The following OBP2B variants were observed in gnomAD, a reference collection of about 807,000 sequenced individuals.
The protein encoded by OBP2B is odorant-binding protein 2b.
Under a neutral mutation model 21.7 loss-of-function variants are expected in OBP2B, and 10 were observed. The ratio of observed to expected loss-of-function variants is 0.46; its 90% CI spans 0.28 to 0.78. The LOEUF (loss-of-function observed/expected upper bound fraction) is 0.78, where lower values mean the gene tolerates loss of function less well. OBP2B is among the 30% of genes least tolerant of loss of function. The pLI is 0.11. For missense variants in OBP2B, 153 were observed against 217.7 expected (o/e 0.70, Z 1.87); for synonymous variants, 73 against 91.5 (o/e 0.80, Z 1.16).
chr9:133,218,673 G>A, the OBP2B span, among the ~76,000 whole-genome samples: 1 of 152,266 alleles, frequency 6.6e-6, no homozygotes, highest in Middle Eastern at 3.4e-3. Flanking sequence ...GGGAGCTAAC[G>A]AGCTCAGCTG....
chr9:133,206,475 G>A, intron 4 of OBP2B, 59 bp from the exon 5 acceptor site: 1 of 1,603,620 alleles, frequency 6.2e-7, no homozygotes. Context: ...CCTGCAGGGA[G>A]CAGATGCCGA....
the OBP2B span, among the ~76,000 whole-genome samples, chr9:133,218,222 G>C: frequency 6.6e-6 from 1 of 152,184 alleles, no homozygotes; most frequent in Non-Finnish European, 1.5e-5. Flanking sequence ...CCTGGAGGTG[G>C]GAGAACGCTG....
upstream of OBP2B, among the ~76,000 whole-genome samples, chr9:133,213,080 TAAATAAATAA>T (rs1172719191): frequency 1.3e-5 from 2 of 151,408 alleles, no homozygotes; most frequent in African/African-American, 4.9e-5. Flanking sequence ...CAAAAATAAA[TAAATAAATAA>T]ATTGCTGGGC....
At chr9:133,212,349 C>T (rs1833924365), upstream of OBP2B, among the ~76,000 whole-genome samples, 1 of 152,224 alleles carries the variant, frequency 6.6e-6, no homozygotes, top group Non-Finnish European at 1.5e-5. Flanking sequence ...TTGTAGAACA[C>T]ACCACCTGGC....
the OBP2B span, among the ~76,000 whole-genome samples, chr9:133,214,876 G>C: frequency 1.1e-4 from 16 of 152,184 alleles, no homozygotes; most frequent in African/African-American, 1.9e-4. Context: ...TTCACCACTT[G>C]TATTTAACAT....
At chr9:133,209,548 C>T (rs1351509570), upstream of OBP2B, among the ~76,000 whole-genome samples, 1 of 152,206 alleles carries the variant, frequency 6.6e-6, no homozygotes, top group Admixed American at 6.5e-5. This position sits in a 1 kb window ranked among gnomAD's most constrained non-coding sequence, Gnocchi z 6.0. Flanking sequence ...GCAGGGCCCA[C>T]AGCCTCGGGA....
chr9:133,212,157 G>T (rs1221057672), upstream of OBP2B, among the ~76,000 whole-genome samples: 1 of 152,172 alleles, frequency 6.6e-6, no homozygotes, highest in Non-Finnish European at 1.5e-5. Flanking sequence ...AATCCTAAAC[G>T]TGTGTGCACC....
intron 3 of OBP2B, 77 bp downstream of exon 3, chr9:133,208,056 A>G: frequency 1.3e-6 from 2 of 1,490,432 alleles, no homozygotes; most frequent in Non-Finnish European, 1.8e-6. Context: ...CAGCCTGGGC[A>G]CTCTCTACCT....
At chr9:133,206,247 A>T (rs1189688476) in intron 5 of OBP2B, 68 bp downstream of exon 5, 1 of 1,514,186 alleles carries the variant, frequency 6.6e-7, no homozygotes, top group African/African-American at 1.4e-5. Flanking sequence ...CATGGGGGTC[A>T]TGGGACACTG....
chr9:133,208,672 C>T (rs1833828985), intron 1 of OBP2B, 70 bp from the exon 2 acceptor site: 1 of 1,535,110 alleles, frequency 6.5e-7, no homozygotes, highest in Non-Finnish European at 8.8e-7. Context: ...GCACTCAGGC[C>T]TGCAGCTATA....
chr9:133,211,599 G>A (rs1833918118), upstream of OBP2B, among the ~76,000 whole-genome samples: 1 of 152,208 alleles, frequency 6.6e-6, no homozygotes, highest in Non-Finnish European at 1.5e-5. Flanking sequence ...GGGATAAATG[G>A]TCTGGACTCT....
intron 3 of OBP2B, chr9:133,207,764 C>T (rs1204447224): frequency 5.9e-6 from 6 of 1,016,866 alleles, no homozygotes; most frequent in African/African-American, 1.6e-5. Context: ...AACCCTCAGC[C>T]TCCCCATCCT....
rs376490020 is a variant in OBP2B, at chr9:133,209,099, C to A, written c.72+29G>T. 474 of 1,612,396 alleles carry A rather than the reference C, an allele frequency of 2.9e-4. No homozygotes were observed. The highest frequency in any genetic ancestry group is 3.8e-4 in the Non-Finnish European group (452 of 1,179,374). On this transcript the variant is annotated intron_variant, in intron 1 of 6. Transcript: ENST00000372034. This position sits in a 1 kb window ranked among gnomAD's most constrained non-coding sequence, Gnocchi z 6.0. ...CCCTGCCCAGGAGTCCGCCTGGCTC[C>A]TCCATCCGCCCACGCCAACCCAGCT...
chr9:133,205,919 T>G lies in OBP2B; in HGVS notation c.512A>C (p.Ter171SerextTer28), dbSNP rs1366123244. Residue 171 changes from the stop codon to serine, a stop_lost and splice_region_variant, in exon 6 of 7, where the codon TAG becomes TCG. Transcript: ENST00000372034. Reference sequence around the variant, plus strand: ...TGCCCTCCTAAAGGCTCACTCACCCTAGTGTTCGGGAACGCAGCTTCCTGC... The same window carrying G: ...TGCCCTCCTAAAGGCTCACTCACCCGAGTGTTCGGGAACGCAGCTTCCTGC... ...LQTGSCVPEH[*>S] The G allele has an allele frequency of 6.2e-7, 1 of 1,613,858 alleles. No individual in the cohort carries two copies. The highest frequency in any genetic ancestry group is 1.7e-4 in the Middle Eastern group (1 of 6,054).
the OBP2B span, among the ~76,000 whole-genome samples, chr9:133,222,752 G>A: frequency 3.1e-3 from 478 of 152,166 alleles, 3 homozygotes; most frequent in African/African-American, 0.011. Flanking sequence ...GTCATTCTCA[G>A]GGACCTGAGA....
At chr9:133,206,549 G>A (rs1208676386) in intron 4 of OBP2B, 133 bp from the exon 5 acceptor site, 2 of 1,190,560 alleles carry the variant, frequency 1.7e-6, no homozygotes, top group South Asian at 2.8e-5. Flanking sequence ...TCAGAGCTCG[G>A]GGGTGGGGCT....
the OBP2B span, among the ~76,000 whole-genome samples, chr9:133,221,560 G>A: frequency 1.2e-4 from 19 of 152,324 alleles, no homozygotes; most frequent in African/African-American, 4.6e-4. Flanking sequence ...GGCCACAGAC[G>A]TGGTAATGAC....
chr9:133,217,978 G>T, the OBP2B span, among the ~76,000 whole-genome samples: 1 of 152,266 alleles, frequency 6.6e-6, no homozygotes, highest in African/African-American at 2.4e-5. Flanking sequence ...TCTGGATCCT[G>T]ATGGGTCACT....
the OBP2B span, among the ~76,000 whole-genome samples, chr9:133,223,066 G>A: frequency 6.6e-6 from 1 of 152,200 alleles, no homozygotes; most frequent in East Asian, 1.9e-4. This position sits in a 1 kb window ranked among gnomAD's most constrained non-coding sequence, Gnocchi z 4.4. Flanking sequence ...GCTCACTGGT[G>A]ACGACGTATC....
Sources: gnomAD v4.1 joint callset for allele counts (sites outside exome capture counted in the v4.1 genomes callset) on GRCh38, gnomAD v4.1.1 for gene constraint, Gnocchi (gnomAD v3.1) non-coding constraint, MANE v1.5 for transcripts, NCBI Gene and HGNC (gene_info 2026-07-23, HGNC 2026-07-21) for gene names.